ATAD2B: variants seen among roughly 807,000 people sequenced by gnomAD.
ATAD2B encodes ATPase family AAA domain containing 2B.
In ATAD2B, 40 loss-of-function variants were observed where a neutral mutation model predicts 167.6. The observed-to-expected ratio is 0.24, with a 90% CI of 0.19 to 0.31. ATAD2B has a LOEUF of 0.31. ATAD2B is among the 10% of genes least tolerant of loss of function. The pLI is 1.00. For synonymous variants in ATAD2B, 579 were observed against 596.5 expected, an observed-to-expected ratio of 0.97 and a Z score of 0.43; for missense variants, 1,242 against 1,757.2, an observed-to-expected ratio of 0.71 and a Z score of 5.24.
chr2:23,872,248 G>A (rs910364019), intron 8 of ATAD2B: 26 of 421,290 alleles, frequency 6.2e-5, no homozygotes, highest in South Asian at 4.9e-4. Context: ...GAAGTGACAC[G>A]ATCATAGCTA....
chr2:23,705,220 C>T, the ATAD2B span, among the ~76,000 whole-genome samples: 119 of 152,316 alleles, frequency 7.8e-4, no homozygotes, highest in Non-Finnish European at 1.3e-3. Flanking sequence ...GGGCCAGGCA[C>T]AGTGGCTCAC....
intron 22 of ATAD2B, among the ~76,000 whole-genome samples, chr2:23,769,976 A>G (rs1443457263): frequency 6.6e-6 from 1 of 151,382 alleles, no homozygotes; most frequent in Non-Finnish European, 1.5e-5. Flanking sequence ...GAGCAACTGT[A>G]CCCGGCCTCA....
intron 1 of ATAD2B, among the ~76,000 whole-genome samples, chr2:23,925,647 A>G (rs1260567518): frequency 6.6e-6 from 1 of 151,206 alleles, no homozygotes; most frequent in African/African-American, 2.5e-5. Context: ...AAAACAATAA[A>G]TATCTGTGCT....
chr2:23,760,690 TTA>T (rs60333740), intron 24 of ATAD2B, among the ~76,000 whole-genome samples: 5,746 of 118,222 alleles, frequency 0.049, 154 homozygotes, highest in Admixed American at 0.055. Context: ...ATAAATAAAT[TTA>T]TATATATACA....
intron 17 of ATAD2B, among the ~76,000 whole-genome samples, chr2:23,816,927 T>C (rs994931103): frequency 6.6e-6 from 1 of 152,220 alleles, no homozygotes; most frequent in Admixed American, 6.5e-5. Context: ...CAGGAGACTA[T>C]TCCCAGAAAT....
intron 6 of ATAD2B, among the ~76,000 whole-genome samples, chr2:23,882,779 C>T (rs1368597938): frequency 1.4e-4 from 21 of 151,750 alleles, no homozygotes; most frequent in Admixed American, 9.9e-4. Context: ...CACTGCACTC[C>T]AGCCTGGGCA....
At chr2:23,797,785 C>T (rs1682850810) in intron 19 of ATAD2B, among the ~76,000 whole-genome samples, 5 of 152,044 alleles carry the variant, frequency 3.3e-5, no homozygotes, top group Admixed American at 3.3e-4. Context: ...TTGACTGCAA[C>T]CCATCACGTG....
chr2:23,845,682 C>T (rs988958374), intron 13 of ATAD2B, among the ~76,000 whole-genome samples: 4 of 145,120 alleles, frequency 2.8e-5, no homozygotes, highest in Non-Finnish European at 6.0e-5. Flanking sequence ...TGGGCTCAAG[C>T]AATCCTCCCA....
chr2:23,779,856 C>T (rs982095205), intron 22 of ATAD2B, among the ~76,000 whole-genome samples: 1 of 152,120 alleles, frequency 6.6e-6, no homozygotes, highest in South Asian at 2.1e-4. Flanking sequence ...ACAGTATATC[C>T]GTGGATGGGG....
At chr2:23,907,205 A>G (rs1024187318) in intron 1 of ATAD2B, among the ~76,000 whole-genome samples, 1 of 152,166 alleles carries the variant, frequency 6.6e-6, no homozygotes, top group African/African-American at 2.4e-5. Flanking sequence ...ACATGATTGT[A>G]TATCTAGAAA....
the ATAD2B span, among the ~76,000 whole-genome samples, chr2:23,710,375 T>C: frequency 6.6e-6 from 1 of 152,300 alleles, no homozygotes; most frequent in East Asian, 1.9e-4. Context: ...GGTAGTAACA[T>C]CTTTAGCTAC....
At chr2:23,705,158 T>C in the ATAD2B span, among the ~76,000 whole-genome samples, 4 of 152,196 alleles carry the variant, frequency 2.6e-5, no homozygotes, top group Non-Finnish European at 4.4e-5. Context: ...AGCATTGCGC[T>C]CCACTTGGGA....
At chr2:23,698,557 T>TG in the ATAD2B span, among the ~76,000 whole-genome samples, 1 of 116,636 alleles carries the variant, frequency 8.6e-6, no homozygotes, top group Non-Finnish European at 1.9e-5. Context: ...ATGAGATATA[T>TG]GGTGCATTAT....
chr2:23,740,037 T>G, the ATAD2B span, among the ~76,000 whole-genome samples: 1 of 152,030 alleles, frequency 6.6e-6, no homozygotes, highest in Non-Finnish European at 1.5e-5. Flanking sequence ...AATAACAGGC[T>G]CTGAAATTGA....
At chr2:23,867,305 T>C (rs1695279544) in intron 10 of ATAD2B, among the ~76,000 whole-genome samples, 1 of 152,178 alleles carries the variant, frequency 6.6e-6, no homozygotes, top group African/African-American at 2.4e-5. Flanking sequence ...TACTCTCAAG[T>C]TGTACCTTTC....
chr2:23,766,841 A>C (rs78121586), intron 22 of ATAD2B, among the ~76,000 whole-genome samples: 1 of 152,086 alleles, frequency 6.6e-6, no homozygotes, highest in Admixed American at 6.6e-5. Context: ...GCAAGTCAGG[A>C]AGAAGACTCT....
chr2:23,679,730 A>T, the ATAD2B span, among the ~76,000 whole-genome samples: 1 of 152,240 alleles, frequency 6.6e-6, no homozygotes, highest in Non-Finnish European at 1.5e-5. Flanking sequence ...TAGTATCGAT[A>T]AAGAAGTGAG....
the ATAD2B span, among the ~76,000 whole-genome samples, chr2:23,679,236 A>G: frequency 6.6e-6 from 1 of 152,146 alleles, no homozygotes; most frequent in African/African-American, 2.4e-5. Context: ...ACAGCCACTT[A>G]TTTAGATTGT....
At chr2:23,911,169 C>T (rs1489551822) in intron 1 of ATAD2B, among the ~76,000 whole-genome samples, 1 of 150,838 alleles carries the variant, frequency 6.6e-6, no homozygotes, top group Non-Finnish European at 1.5e-5. Flanking sequence ...TGCAGTGAGC[C>T]GAGATTGCAC....
Sources: allele counts gnomAD v4.1 joint callset (sites outside exome capture counted in the v4.1 genomes callset), GRCh38; gene constraint gnomAD v4.1.1; transcripts MANE v1.5; gene names NCBI Gene and HGNC (gene_info 2026-07-23, HGNC 2026-07-21).